GCNT1: variants seen among roughly 807,000 people sequenced by gnomAD.
GCNT1 encodes glucosaminyl (N-acetyl) transferase 1.
GCNT1 carries 16 observed loss-of-function variants against 26.2 expected under a neutral mutation model. The observed-to-expected ratio is 0.61, with a 90% confidence interval of 0.41 to 0.93. GCNT1 has a LOEUF of 0.93. GCNT1 is among the 40% of genes least tolerant of loss of function. The pLI is 0.00. For synonymous variants in GCNT1, 183 were observed against 190.8 expected (o/e 0.96, Z 0.34); for missense variants, 477 against 526.7 (o/e 0.91, Z 0.92).
chr9:76,427,362 T>C (rs1369460596), intron 1 of GCNT1, among the ~76,000 whole-genome samples: 1 of 152,112 alleles, frequency 6.6e-6, no homozygotes, highest in South Asian at 2.1e-4. Context: ...GTATTTTTTG[T>C]AGAGGCAGCG....
rs1043474655 is a variant in GCNT1 at position 76,459,221 on chromosome 9, T to C, written c.-492T>C. On this transcript the variant is annotated 5_prime_UTR_variant, in exon 1 of 4. Transcript: ENST00000376730. ...GCTGCAGGCGCAGCTCCGGAGCGCC[T>C]AGAGCGCGGCGCGGGGCGGGAGCTT... is the stretch of plus-strand genomic sequence containing the variant. 6.6e-6 allele frequency: 1 copy of C among 152,522 alleles called. No homozygotes were observed. Among genetic ancestry groups the C allele is most frequent in the African/African-American group, 2.4e-5 (1 of 41,440 alleles). 9.4% of individuals were successfully genotyped at this position (152,522 alleles called of 1,614,324 possible).
chr9:76,494,296 C>G (rs1413984094), intron 2 of GCNT1, among the ~76,000 whole-genome samples: 1 of 152,150 alleles, frequency 6.6e-6, no homozygotes. Flanking sequence ...GTGACCCTTA[C>G]CAACACATTC....
intron 2 of GCNT1, among the ~76,000 whole-genome samples, chr9:76,467,074 G>T (rs1202518241): frequency 1.3e-5 from 2 of 149,876 alleles, no homozygotes; most frequent in East Asian, 2.0e-4. Context: ...ATGGAGTCTT[G>T]CTCTGTTGCC....
Position 76,503,378 on chromosome 9 carries a change from C to T in GCNT1, c.997C>T (p.Pro333Ser). 3 of 1,614,142 alleles carry T rather than the reference C, an allele frequency of 1.9e-6. No individual in the cohort carries two copies. The highest frequency in any genetic ancestry group is 2.5e-6 in the Non-Finnish European group (3 of 1,180,036). Reference sequence around the variant, plus strand: ...CACCATCCAAAGGATTCCTGAAGTCCCGGGCTCACTCCCTGCCAGCCATAA... The same window carrying T: ...CACCATCCAAAGGATTCCTGAAGTCTCGGGCTCACTCCCTGCCAGCCATAA... ...WATIQRIPEV[P>S]GSLPASHKYD... The change falls in exon 4 of 4, where the codon CCG becomes TCG. Residue 333 changes from proline (P) to serine (S), a missense_variant. By Grantham distance (74) the Pro-to-Ser change is moderately conservative. Transcript: ENST00000376730.
At chr9:76,465,559 C>T (rs900174296) in intron 2 of GCNT1, among the ~76,000 whole-genome samples, 2 of 152,220 alleles carry the variant, frequency 1.3e-5, no homozygotes, top group Non-Finnish European at 2.9e-5. Flanking sequence ...AGAAAAAATG[C>T]ACCACTGTGT....
intron 1 of GCNT1, among the ~76,000 whole-genome samples, chr9:76,422,053 A>T (rs867509048): frequency 6.6e-6 from 1 of 152,108 alleles, no homozygotes; most frequent in Non-Finnish European, 1.5e-5. Flanking sequence ...GCAGCAGGAG[A>T]GAGAATGAGT....
the GCNT1 span, among the ~76,000 whole-genome samples, chr9:76,410,276 A>G: frequency 2.0e-5 from 3 of 152,232 alleles, no homozygotes; most frequent in Admixed American, 2.0e-4. Flanking sequence ...TACTAAAAAT[A>G]CTAAAATTAG....
chr9:76,412,471 G>T, the GCNT1 span, among the ~76,000 whole-genome samples: 1 of 152,062 alleles, frequency 6.6e-6, no homozygotes. Context: ...AATTTCCTTA[G>T]TGTTTGTTGG....
upstream of GCNT1, among the ~76,000 whole-genome samples, chr9:76,438,735 A>G (rs1012747838): frequency 6.7e-6 from 1 of 149,120 alleles, no homozygotes; most frequent in African/African-American, 2.5e-5. Flanking sequence ...TCCCTGGGCC[A>G]CATTGGAAGA....
the GCNT1 span, among the ~76,000 whole-genome samples, chr9:76,414,633 C>T: frequency 1.3e-5 from 2 of 152,230 alleles, no homozygotes; most frequent in Non-Finnish European, 1.5e-5. Context: ...ACTGAGGGTC[C>T]CTCGCCTTTT....
In GCNT1 at chr9:76,502,223, G is replaced by C; in HGVS notation, c.-143-16G>C. Reference sequence around the variant, plus strand: ...TATATATTTATTTATATTTATAATTGCTTCTTTTATTTCAGTGCTGCTCTT... The same window carrying C: ...TATATATTTATTTATATTTATAATTCCTTCTTTTATTTCAGTGCTGCTCTT... On this transcript the variant is annotated splice_polypyrimidine_tract_variant and intron_variant, in intron 3 of 3. Transcript: ENST00000376730. 3.1e-6 allele frequency: 1 copy of C among 317,626 alleles called. No individual in the cohort carries two copies. The highest frequency in any genetic ancestry group is 5.7e-6 in the Non-Finnish European group (1 of 176,612). 19.7% of individuals were successfully genotyped at this position (317,626 alleles called of 1,614,324 possible).
chr9:76,400,564 T>G, the GCNT1 span, among the ~76,000 whole-genome samples: 17 of 152,250 alleles, frequency 1.1e-4, no homozygotes, highest in Admixed American at 7.2e-4. Context: ...TGTTCACAGA[T>G]TCTCCCTATC....
At position 76,495,056 on chromosome 9, in the gene GCNT1, C is replaced by T. The variant is rs140198809; in HGVS notation, c.-289-5860C>T. Among the ~76,000 whole-genome samples, 413 of 152,134 alleles carry T rather than the reference C, an allele frequency of 2.7e-3. 3 individuals carry two copies. Among genetic ancestry groups the T allele is most frequent in the African/African-American group, 9.5e-3 (395 of 41,490 alleles). ...GCCGCACTAGTCGCTTTTAACTGGC[C>T]GATAGGTGCCCAGTATTTAGCCACC... On this transcript the variant is annotated intron_variant, in intron 2 of 3. Coordinates refer to ENST00000376730, the MANE Select transcript of GCNT1 (RefSeq NM_001490.5).
chr9:76,453,106 A>C (rs2131588219), intron 1 of GCNT1, among the ~76,000 whole-genome samples: 1 of 152,130 alleles, frequency 6.6e-6, no homozygotes, highest in Non-Finnish European at 1.5e-5. Flanking sequence ...AACTGAAAAA[A>C]CTGTAGCCAA....
chr9:76,502,163 C>G, intron 3 of GCNT1, 76 bp from the exon 4 acceptor site: 1 of 119,870 alleles, frequency 8.3e-6, no homozygotes, highest in Non-Finnish European at 1.4e-5. Context: ...AAAACTCTCT[C>G]TCTCTCTCTC....
chr9:76,425,315 C>T (rs1053015316), intron 1 of GCNT1, among the ~76,000 whole-genome samples: 1 of 151,846 alleles, frequency 6.6e-6, no homozygotes, highest in Non-Finnish European at 1.5e-5. Context: ...CTCCGCCTCT[C>T]AGGTTCAAGT....
the GCNT1 span, chr9:76,394,258 GC>G: frequency 7.3e-7 from 1 of 1,373,166 alleles, no homozygotes; most frequent in Admixed American, 2.1e-5. Context: ...CCCCGGACCA[GC>G]CGGGGGACAG....
chr9:76,497,422 G>A (rs559698795), intron 2 of GCNT1, among the ~76,000 whole-genome samples: 25 of 152,148 alleles, frequency 1.6e-4, no homozygotes, highest in East Asian at 3.9e-4. Flanking sequence ...CAATTCCTTC[G>A]AATGATTTGA....
the GCNT1 span, chr9:76,394,158 GGCAGGTGCCTCATAAT>G: frequency 6.2e-7 from 1 of 1,606,822 alleles, no homozygotes; most frequent in African/African-American, 1.3e-5. Context: ...GCAGAAGTAA[GGCAGGTGCCTCATAAT>G]GCAGTCCGCT....
Sources: allele counts gnomAD v4.1 joint callset (sites outside exome capture counted in the v4.1 genomes callset), GRCh38; gene constraint gnomAD v4.1.1; transcripts MANE v1.5; gene names NCBI Gene and HGNC (gene_info 2026-07-23, HGNC 2026-07-21).